The following NR2C1 variants were observed in gnomAD, a reference collection of about 807,000 sequenced individuals.
NR2C1 encodes nuclear receptor subfamily 2 group C member 1.
NR2C1 carries 33 observed loss-of-function variants against 74.8 expected under a neutral mutation model. That is an observed-to-expected ratio of 0.44 (90% confidence interval 0.33 to 0.59). The LOEUF (loss-of-function observed/expected upper bound fraction) is 0.59, where lower values mean the gene tolerates loss of function less well. Ranked by LOEUF, NR2C1 falls within the 20% of genes least tolerant of loss-of-function variation. The probability of loss-of-function intolerance (pLI) is 0.02; values close to 1 mark genes in which losing one functional copy is unlikely to be tolerated. For synonymous variants in NR2C1, 225 were observed against 240.6 expected (o/e 0.94, Z 0.60); for missense variants, 568 against 715.6 (o/e 0.79, Z 2.35).
At chr12:95,064,720 T>G (rs550375875) in intron 2 of NR2C1, among the ~76,000 whole-genome samples, 11 of 152,296 alleles carry the variant, frequency 7.2e-5, no homozygotes, top group African/African-American at 2.6e-4. Context: ...AGCAAATATA[T>G]CCCAGATTAA....
chr12:95,020,659 C>T lies in NR2C1; in HGVS notation c.*1570G>A, dbSNP rs559076674. 1 of 152,216 alleles carries T rather than the reference C, an allele frequency of 6.6e-6. No homozygotes were observed. Among genetic ancestry groups the T allele is most frequent in the Admixed American group, 6.5e-5 (1 of 15,284 alleles). The allele number at this position is 152,216 out of a possible 1,614,324, so 9.4% of individuals were successfully genotyped here. On this transcript the variant is annotated 3_prime_UTR_variant, in exon 14 of 14. Transcript: ENST00000333003. ...CAAAAACTTCACTTTTCTTCTATTG[C>T]AAAAATCTTTACAAAAAATGTACTC...
At chr12:95,072,174 G>A (rs1334781146) in intron 1 of NR2C1, among the ~76,000 whole-genome samples, 9 of 151,508 alleles carry the variant, frequency 5.9e-5, no homozygotes, top group Admixed American at 6.6e-5. Context: ...AGTACTTTGG[G>A]AGGCCGAGGC....
chr12:95,060,937 T>A (rs931875852), intron 3 of NR2C1, among the ~76,000 whole-genome samples: 7 of 152,212 alleles, frequency 4.6e-5, no homozygotes, highest in African/African-American at 1.4e-4. Context: ...TGGTACTAGA[T>A]GTCCTATGAA....
intron 5 of NR2C1, 160 bp from the exon 6 acceptor site, chr12:95,058,038 A>G (rs1185918374): frequency 7.9e-6 from 6 of 763,496 alleles, no homozygotes; most frequent in African/African-American, 7.0e-5. Context: ...CAAGTTCAAC[A>G]AAGTTGCTTT....
intron 12 of NR2C1, among the ~76,000 whole-genome samples, chr12:95,027,827 T>C (rs1411244184): frequency 1.3e-5 from 2 of 152,184 alleles, no homozygotes; most frequent in African/African-American, 4.8e-5. Flanking sequence ...AACATTTTTG[T>C]CACTCCAAAA....
chr12:95,059,334 A>T (rs190079138), intron 4 of NR2C1, among the ~76,000 whole-genome samples: 306 of 152,004 alleles, frequency 2.0e-3, no homozygotes, highest in African/African-American at 7.0e-3. Flanking sequence ...TTACATGTTC[A>T]CTTTCAAAAG....
rs147302025 is a variant in NR2C1, at chr12:95,045,932, C to T, written c.1131+3136G>A. ...TGGCTCACGGCAACCTCCGCCTCCC[C>T]GGGTTCAAGCAATTCTTCTGCCTCA... On this transcript the variant is annotated intron_variant, in intron 9 of 13. Coordinates refer to ENST00000333003, the MANE Select transcript of NR2C1 (RefSeq NM_003297.4). Among the ~76,000 whole-genome samples the T allele has an allele frequency of 6.5e-3, 982 of 152,084 alleles. 12 individuals are homozygous for T. Among genetic ancestry groups the T allele is most frequent in the African/African-American group, 0.022 (925 of 41,474 alleles).
intron 12 of NR2C1, among the ~76,000 whole-genome samples, chr12:95,026,068 G>T (rs1367094274): frequency 6.6e-6 from 1 of 151,878 alleles, no homozygotes; most frequent in Non-Finnish European, 1.5e-5. Context: ...TTAGCTGGGT[G>T]TGGTGGCAGG....
chr12:95,046,829 A>G (rs1233531600), intron 9 of NR2C1, among the ~76,000 whole-genome samples: 1 of 152,192 alleles, frequency 6.6e-6, no homozygotes, highest in Non-Finnish European at 1.5e-5. Context: ...CTAGGAGCTA[A>G]GCAGGGAAAT....
intron 7 of NR2C1, among the ~76,000 whole-genome samples, chr12:95,052,394 TCTGC>T (rs1055769066): frequency 2.0e-5 from 3 of 152,236 alleles, no homozygotes; most frequent in South Asian, 4.1e-4. Context: ...GACCTCATGA[TCTGC>T]CTGCCTCGGC....
intron 1 of NR2C1, among the ~76,000 whole-genome samples, chr12:95,068,526 G>A (rs1216458619): frequency 6.6e-6 from 1 of 152,168 alleles, no homozygotes; most frequent in Non-Finnish European, 1.5e-5. Flanking sequence ...CGGCCCCGGT[G>A]GCTCACATCT....
chr12:95,067,603 C>G (rs1233543553), intron 1 of NR2C1, among the ~76,000 whole-genome samples: 1 of 151,492 alleles, frequency 6.6e-6, no homozygotes, highest in Non-Finnish European at 1.5e-5. Flanking sequence ...ACAAGGCCCA[C>G]CCAGGCTGGA....
At chr12:95,050,876 TTA>T (rs1872907856) in intron 8 of NR2C1, among the ~76,000 whole-genome samples, 1 of 152,132 alleles carries the variant, frequency 6.6e-6, no homozygotes. Flanking sequence ...CTGTAGTTGA[TTA>T]AACTAAACCT....
intron 9 of NR2C1, 49 bp downstream of exon 9, chr12:95,049,019 C>CA: frequency 6.6e-7 from 1 of 1,506,248 alleles, no homozygotes; most frequent in South Asian, 1.2e-5. Context: ...AAAGGTAGAT[C>CA]AAAATCAAGC....
rs1325372044 is a variant in NR2C1, at chr12:95,020,289, G to C, written c.*1940C>G. 1 of 152,148 alleles carries C rather than the reference G, an allele frequency of 6.6e-6. No homozygotes were observed. The highest frequency in any genetic ancestry group is 2.4e-5 in the African/African-American group (1 of 41,432). The allele number at this position is 152,148 out of a possible 1,614,324, so 9.4% of individuals were successfully genotyped here. ...CTGGTAAGACACAGAAATTTGTAAT[G>C]CAAGTCACATTTTAATATAGTTTTA... On this transcript the variant is annotated 3_prime_UTR_variant, in exon 14 of 14. Coordinates refer to ENST00000333003, the MANE Select transcript of NR2C1 (RefSeq NM_003297.4).
chr12:95,047,773 G>A (rs1018682537), intron 9 of NR2C1, among the ~76,000 whole-genome samples: 2 of 152,156 alleles, frequency 1.3e-5, no homozygotes, highest in Non-Finnish European at 2.9e-5. Flanking sequence ...CAAAACAACA[G>A]GATCGTAATG....
intron 10 of NR2C1, among the ~76,000 whole-genome samples, chr12:95,039,083 C>CAAA (rs1565844723): frequency 1.3e-5 from 2 of 151,808 alleles, no homozygotes; most frequent in Non-Finnish European, 2.9e-5. Flanking sequence ...CAAAAAAAAC[C>CAAA]CCAGAAAACT....
intron 13 of NR2C1, 69 bp downstream of exon 13, chr12:95,025,081 A>G: frequency 3.1e-6 from 2 of 653,010 alleles, no homozygotes; most frequent in East Asian, 3.0e-5. Flanking sequence ...GAGAGTAGTA[A>G]TAATGAGATA....
At chr12:95,030,421 A>G (rs1869932745) in intron 11 of NR2C1, 1 of 1,314,832 alleles carries the variant, frequency 7.6e-7, no homozygotes, top group African/African-American at 1.5e-5. Context: ...AAGTTTTACA[A>G]TAAAGATTTT....
Sources: gnomAD v4.1 joint callset for allele counts (sites outside exome capture counted in the v4.1 genomes callset) on GRCh38, gnomAD v4.1.1 for gene constraint, MANE v1.5 for transcripts, NCBI Gene and HGNC (gene_info 2026-07-23, HGNC 2026-07-21) for gene names.